Variants in MICU1 observed in about 807,000 individuals in gnomAD.
The protein encoded by MICU1 is mitochondrial calcium uptake 1.
In MICU1, 45 loss-of-function variants were observed where a neutral mutation model predicts 56.8. The observed-to-expected ratio is 0.79, with a 90% CI of 0.62 to 1.02. The LOEUF is 1.02. Among genes scored for constraint, MICU1 ranks in the 50% least tolerant of loss-of-function variants. The pLI is 0.00. For missense variants in MICU1, 504 were observed against 587.1 expected (o/e 0.86, Z 1.46); for synonymous variants, 186 against 195.1 (o/e 0.95, Z 0.39).
At chr10:72,610,926 T>C (rs755398347) in intron 1 of MICU1, among the ~76,000 whole-genome samples, 1 of 152,102 alleles carries the variant, frequency 6.6e-6, no homozygotes, top group Non-Finnish European at 1.5e-5. Context: ...GTAATAAATA[T>C]ATTTATCAGT....
At chr10:72,586,959 G>A (rs1276783022) in intron 1 of MICU1, among the ~76,000 whole-genome samples, 1 of 152,134 alleles carries the variant, frequency 6.6e-6, no homozygotes, top group Non-Finnish European at 1.5e-5. Context: ...TTGAAGACAG[G>A]ATGCCTAAAC....
chr10:72,508,100 T>C (rs1867315295), intron 6 of MICU1, 55 bp downstream of exon 6: 4 of 804,016 alleles, frequency 5.0e-6, no homozygotes, highest in Admixed American at 6.3e-5. Flanking sequence ...TAAACAATTA[T>C]GTTTATAGTC....
At chr10:72,491,097 C>T (rs186696277) in intron 6 of MICU1, among the ~76,000 whole-genome samples, 96 of 152,100 alleles carry the variant, frequency 6.3e-4, no homozygotes, top group African/African-American at 2.2e-3. Flanking sequence ...ACAAGAAGAC[C>T]GATGACCCTG....
At position 72,368,295 on chromosome 10, in the gene MICU1, C is replaced by A; in HGVS notation, c.1331G>T (p.Gly444Val). ...ACCCATGTCTTTGGGCTTTTCCAGG[C>A]CTCTCATCAGCCGTTGCTTCATGAT... ...VSIMKQRLMR[G>V]LEKPKDMGFT... Residue 444 changes from glycine to valine, a missense_variant, in exon 12 of 12, where the codon GGC (glycine) becomes GTC (valine). By Grantham distance (109) the Gly-to-Val change is moderately radical (BLOSUM62 -3). Transcript: ENST00000361114. 1 of 1,614,012 alleles carries A rather than the reference C, an allele frequency of 6.2e-7. No homozygotes were observed. The highest frequency in any genetic ancestry group is 8.5e-7 in the Non-Finnish European group (1 of 1,179,884).
At chr10:72,415,246 C>T (rs947225641) in intron 9 of MICU1, among the ~76,000 whole-genome samples, 2 of 152,092 alleles carry the variant, frequency 1.3e-5, no homozygotes, top group African/African-American at 4.8e-5. Context: ...GAACTCCTGA[C>T]CTCAGGTGAT....
At chr10:72,606,874 A>C (rs559934376) in intron 1 of MICU1, among the ~76,000 whole-genome samples, 1 of 152,274 alleles carries the variant, frequency 6.6e-6, no homozygotes, top group South Asian at 2.1e-4. Context: ...CCAACGACTT[A>C]ATCAATCATG....
chr10:72,428,351 T>A (rs1864415889), intron 8 of MICU1, among the ~76,000 whole-genome samples: 1 of 152,232 alleles, frequency 6.6e-6, no homozygotes, highest in Non-Finnish European at 1.5e-5. Context: ...GTTTTGCTCT[T>A]GTTGCCCAGG....
At chr10:72,534,788 C>T (rs1057478319) in intron 4 of MICU1, among the ~76,000 whole-genome samples, 2 of 152,002 alleles carry the variant, frequency 1.3e-5, no homozygotes, top group South Asian at 4.2e-4. Flanking sequence ...TTCCAGAAGC[C>T]AGCCCTAAAC....
intron 5 of MICU1, among the ~76,000 whole-genome samples, chr10:72,512,105 TTG>T (rs768902874): frequency 0.029 from 658 of 22,440 alleles, 34 homozygotes; most frequent in Non-Finnish European, 0.077. Context: ...CAGTTGTTTT[TTG>T]TTTTTTTTTT....
At chr10:72,616,369 T>C (rs1359501294) in intron 1 of MICU1, among the ~76,000 whole-genome samples, 1 of 152,128 alleles carries the variant, frequency 6.6e-6, no homozygotes, top group Non-Finnish European at 1.5e-5. Flanking sequence ...AAGGCTAATT[T>C]ACCCACTGTT....
intron 9 of MICU1, among the ~76,000 whole-genome samples, chr10:72,420,427 A>T (rs911388033): frequency 6.6e-6 from 1 of 152,102 alleles, no homozygotes; most frequent in Non-Finnish European, 1.5e-5. Flanking sequence ...GCCATGTGGA[A>T]CTGTGAAATC....
At chr10:72,591,489 TAAC>T (rs1841223399) in intron 1 of MICU1, among the ~76,000 whole-genome samples, 2 of 152,084 alleles carry the variant, frequency 1.3e-5, no homozygotes, top group South Asian at 4.1e-4. Flanking sequence ...CTAGATGTAC[TAAC>T]AAGAAAGAGA....
At chr10:72,592,452 A>G (rs1456656748) in intron 1 of MICU1, among the ~76,000 whole-genome samples, 1 of 152,252 alleles carries the variant, frequency 6.6e-6, no homozygotes, top group Non-Finnish European at 1.5e-5. Flanking sequence ...AGATTGAAGA[A>G]GAGGAAACAC....
chr10:72,614,799 G>A (rs751956610), intron 1 of MICU1, among the ~76,000 whole-genome samples: 1 of 152,200 alleles, frequency 6.6e-6, no homozygotes, highest in Non-Finnish European at 1.5e-5. Flanking sequence ...AATGAGTATG[G>A]GGTTTCAGTT....
chr10:72,587,915 T>C (rs1841109252), intron 1 of MICU1, among the ~76,000 whole-genome samples: 1 of 152,222 alleles, frequency 6.6e-6, no homozygotes, highest in African/African-American at 2.4e-5. Flanking sequence ...TCCTGTGTGA[T>C]GGGTAGAGCG....
chr10:72,533,071 T>G, intron 5 of MICU1: 1 of 1,289,864 alleles, frequency 7.8e-7, no homozygotes, highest in Non-Finnish European at 1.0e-6. Context: ...GGTTCTTTCT[T>G]CTTTCTGAAG....
intron 1 of MICU1, among the ~76,000 whole-genome samples, chr10:72,570,269 T>C (rs578170090): frequency 4.7e-4 from 72 of 152,236 alleles, no homozygotes; most frequent in Non-Finnish European, 8.4e-4. Flanking sequence ...TTAAACTACT[T>C]TGCACTTTGT....
At chr10:72,616,747 C>G (rs1490918379) in intron 1 of MICU1, among the ~76,000 whole-genome samples, 1 of 152,010 alleles carries the variant, frequency 6.6e-6, no homozygotes, top group Non-Finnish European at 1.5e-5. Context: ...AAAGTTTCCT[C>G]ACATACATCC....
At chr10:72,488,977 C>G (rs1866560800) in intron 6 of MICU1, among the ~76,000 whole-genome samples, 1 of 152,130 alleles carries the variant, frequency 6.6e-6, no homozygotes, top group South Asian at 2.1e-4. Context: ...CCATGTGGGT[C>G]AGGCACTGTT....
Sources: gnomAD v4.1 joint callset for allele counts (sites outside exome capture counted in the v4.1 genomes callset) on GRCh38, gnomAD v4.1.1 for gene constraint, MANE v1.5 for transcripts, NCBI Gene and HGNC (gene_info 2026-07-23, HGNC 2026-07-21) for gene names.